PCDH15: variants seen among roughly 807,000 people sequenced by gnomAD.
The protein encoded by PCDH15 is protocadherin related 15, also known as protocadherin-15.
In PCDH15, 129 loss-of-function variants were observed where a neutral mutation model predicts 178.5. The ratio of observed to expected loss-of-function variants is 0.72; its 90% CI spans 0.63 to 0.84. The LOEUF (loss-of-function observed/expected upper bound fraction) is 0.84, where lower values mean the gene tolerates loss of function less well. PCDH15 is among the 40% of genes least tolerant of loss of function. PCDH15 has a pLI of 0.00. For missense variants in PCDH15, 2,230 were observed against 2,099.9 expected, an observed-to-expected ratio of 1.06 and a Z score of -1.21; for synonymous variants, 800 against 732.0, an observed-to-expected ratio of 1.09 and a Z score of -1.50.
Position 54,219,388 on chromosome 10 carries a change from A to G in PCDH15, c.986-5340T>C, listed in dbSNP as rs539509660. On this transcript the variant is annotated intron_variant, in intron 9 of 37. Transcript: ENST00000644397. The stretch of plus-strand genomic sequence containing the variant: ...GGCAGATCACCAGGTCAGGAGATCG[A>G]GACCATCCTGGCTAACACGGTGACA... Among the ~76,000 whole-genome samples the G allele has an allele frequency of 9.4e-3, 1,418 of 151,344 alleles. 20 individuals are homozygous for G. Among genetic ancestry groups the G allele is most frequent in the African/African-American group, 0.03 (1,222 of 41,160 alleles).
upstream of PCDH15, among the ~76,000 whole-genome samples, chr10:54,806,121 C>G (rs544482560): frequency 6.6e-6 from 1 of 152,102 alleles, no homozygotes. Context: ...CTATCTTATA[C>G]TTTCCTTAGG....
At chr10:55,554,310 T>C (rs1449471008) in intron 2 of PCDH15, among the ~76,000 whole-genome samples, 2 of 152,090 alleles carry the variant, frequency 1.3e-5, no homozygotes. Flanking sequence ...TGATAAGATG[T>C]GTAAAAATAG....
At chr10:54,961,355 A>T (rs1554818496) in intron 2 of PCDH15, among the ~76,000 whole-genome samples, 1 of 152,130 alleles carries the variant, frequency 6.6e-6, no homozygotes, top group Non-Finnish European at 1.5e-5. Flanking sequence ...GCCTGCAGGA[A>T]CCCCTCCACA....
intron 3 of PCDH15, among the ~76,000 whole-genome samples, chr10:54,431,386 T>C (rs906914042): frequency 1.3e-5 from 2 of 152,026 alleles, no homozygotes; most frequent in Non-Finnish European, 2.9e-5. Context: ...AATTCAACAA[T>C]ACATTAAAAA....
chr10:54,037,451 G>A (rs1188766454), intron 18 of PCDH15, among the ~76,000 whole-genome samples: 2 of 151,866 alleles, frequency 1.3e-5, no homozygotes, highest in Non-Finnish European at 2.9e-5. Context: ...CCCTCTATCT[G>A]TATAAAGATT....
At position 55,588,095 on chromosome 10, in the gene PCDH15, G is replaced by T. The variant is rs554446793; in HGVS notation, c.-156+39530C>A. Among the ~76,000 whole-genome samples the T allele has an allele frequency of 5.3e-5, 8 of 152,230 alleles. No homozygotes were observed. In the South Asian group the frequency reaches 1.5e-3, roughly 28 times the overall value. ...AGCAACTTGGATCCTCTATTTTAAA[G>T]CGCTTAAAACTTTGATGTAGGAGGT... On this transcript the variant is annotated intron_variant, in intron 2 of 5. Transcript: ENST00000613346.
rs1412850029 is a variant in PCDH15, at chr10:53,993,440, G to C, written c.2868+2209C>G. 2.0e-5 allele frequency among the ~76,000 whole-genome samples: 3 copies of C among 152,284 alleles called. No individual in the cohort carries two copies. The South Asian group carries it at 6.2e-4, about 32-fold the overall frequency. On this transcript the variant is annotated intron_variant, in intron 21 of 37. Transcript: ENST00000644397. ...GGACCTTACATTCTAGTTTGGAAGA[G>C]AGACTATTAAATAAACCTACAGTGT...
chr10:54,288,644 T>C lies in PCDH15; in HGVS notation c.876+28627A>G, dbSNP rs559389367. Among the ~76,000 whole-genome samples, 7 of 152,222 alleles carry C rather than the reference T, an allele frequency of 4.6e-5. No individual in the cohort carries two copies. The South Asian group carries it at 1.2e-3, about 27-fold the overall frequency. On this transcript the variant is annotated intron_variant, in intron 8 of 37. Transcript: ENST00000644397. ...ATGTGACATACTGTACCTGGAAAAA[T>C]GGGACACTCCCGCCCAAATACTGTG... is the stretch of plus-strand genomic sequence containing the variant.
At position 54,146,687 on chromosome 10, in the gene PCDH15, G is replaced by A. The variant is rs190024551; in HGVS notation, c.1784+6413C>T. 1.1e-3 allele frequency among the ~76,000 whole-genome samples: 169 copies of A among 151,060 alleles called. No individual in the cohort carries two copies. In the Middle Eastern group the frequency reaches 0.014, roughly 13 times the overall value. On this transcript the variant is annotated intron_variant, in intron 14 of 37. Transcript: ENST00000644397. ...CTAAATTAGAATAACACAGACATACGTATTTCATTCATATTGGACTTATTT... is the reference window on the plus strand; with the variant it reads ...CTAAATTAGAATAACACAGACATACATATTTCATTCATATTGGACTTATTT...
chr10:53,822,651 G>A lies in PCDH15; in HGVS notation c.4368-2421C>T, dbSNP rs747927680. The A allele has an allele frequency of 3.1e-6, 5 of 1,613,986 alleles. No homozygotes were observed. Among genetic ancestry groups the A allele is most frequent in the Middle Eastern group, 1.6e-4 (1 of 6,084 alleles). On this transcript the variant is annotated intron_variant, in intron 32 of 37. Transcript: ENST00000644397. ...AAGTTCCAAGGAACACTCAGCAGGA[G>A]AACTGATGACATTAGGTTCTGATTT...
intron 13 of PCDH15, 42 bp downstream of exon 13, chr10:54,183,402 A>G (rs2048187838): frequency 1.3e-6 from 2 of 1,555,074 alleles, no homozygotes; most frequent in Non-Finnish European, 8.9e-7. Context: ...GCACATGTAA[A>G]TAACAGCTTT....
At chr10:54,956,897 G>A (rs1304933075) in intron 2 of PCDH15, among the ~76,000 whole-genome samples, 9 of 151,596 alleles carry the variant, frequency 5.9e-5, no homozygotes, top group African/African-American at 1.9e-4. Flanking sequence ...CATTGAATAT[G>A]GAATATGCTC....
chr10:53,820,962 A>T (rs2076239411), intron 32 of PCDH15: 1 of 381,812 alleles, frequency 2.6e-6, no homozygotes, highest in Non-Finnish European at 3.6e-6. Context: ...TTCATTTATT[A>T]AACTGAAGAT....
intron 2 of PCDH15, among the ~76,000 whole-genome samples, chr10:55,591,559 A>G (rs1277139895): frequency 1.3e-5 from 2 of 152,312 alleles, no homozygotes; most frequent in East Asian, 1.9e-4. Context: ...ATAATTAAAC[A>G]TAATTAATTA....
intron 18 of PCDH15, among the ~76,000 whole-genome samples, chr10:54,056,324 G>T (rs2093886092): frequency 6.6e-6 from 1 of 152,074 alleles, no homozygotes; most frequent in Non-Finnish European, 1.5e-5. Context: ...CTGTCCTAAT[G>T]TTGCTAAAAA....
chr10:53,865,356 G>A (rs900590108), intron 27 of PCDH15, among the ~76,000 whole-genome samples: 1 of 152,114 alleles, frequency 6.6e-6, no homozygotes, highest in African/African-American at 2.4e-5. Flanking sequence ...AGAACACAAT[G>A]GAAGTTAAAA....
At chr10:54,530,006 G>C (rs1465556491) in intron 2 of PCDH15, among the ~76,000 whole-genome samples, 2 of 151,892 alleles carry the variant, frequency 1.3e-5, no homozygotes, top group African/African-American at 4.8e-5. Flanking sequence ...GTTGGTAGAG[G>C]AATAAATATT....
intron 2 of PCDH15, among the ~76,000 whole-genome samples, chr10:54,586,974 T>C (rs961561789): frequency 2.6e-5 from 4 of 152,014 alleles, no homozygotes; most frequent in African/African-American, 7.2e-5. Flanking sequence ...ATATTTTTGC[T>C]TTTTTTTAAG....
intron 1 of PCDH15, among the ~76,000 whole-genome samples, chr10:54,793,275 C>T (rs1951610477): frequency 6.6e-6 from 1 of 151,828 alleles, no homozygotes; most frequent in Admixed American, 6.6e-5. Context: ...AAAAGTATTG[C>T]AAGTCAATTC....
Sources: allele counts gnomAD v4.1 joint callset (sites outside exome capture counted in the v4.1 genomes callset), GRCh38; gene constraint gnomAD v4.1.1; transcripts MANE v1.5; gene names NCBI Gene and HGNC (gene_info 2026-07-23, HGNC 2026-07-21).